Variants in SPACA6 observed in about 807,000 individuals in gnomAD.
The protein encoded by SPACA6 is sperm acrosome associated 6.
For synonymous variants in SPACA6, 6 were observed against 1.5 expected, an observed-to-expected ratio of 4.05 and a Z score of -2.21; for missense variants, 8 against 2.8, an observed-to-expected ratio of 2.88 and a Z score of -1.34.
upstream of SPACA6, among the ~76,000 whole-genome samples, chr19:51,691,006 G>A (rs921859110): frequency 1.6e-4 from 4 of 25,304 alleles, no homozygotes; most frequent in Non-Finnish European, 2.2e-4. Context: ...GGGAAGGAGG[G>A]AAGGGGGAAG....
intron 1 of SPACA6, chr19:51,694,077 G>GA: frequency 6.6e-6 from 1 of 152,144 alleles, no homozygotes; most frequent in African/African-American, 1.2e-4. Flanking sequence ...ATGGACACTC[G>GA]GGAGGATGGA....
In SPACA6 at chr19:51,703,704, G is replaced by A. The variant is rs748960300; in HGVS notation, c.574-326G>A. Among the ~76,000 whole-genome samples, 4 of 152,144 alleles carry A rather than the reference G, an allele frequency of 2.6e-5. No individual in the cohort carries two copies. Among genetic ancestry groups the A allele is most frequent in the African/African-American group, 4.8e-5 (2 of 41,438 alleles). On this transcript the variant is annotated intron_variant, in intron 6 of 8. Coordinates refer to ENST00000637797, the MANE Select transcript of SPACA6 (RefSeq NM_001316972.2). The surrounding 1 kb of genome is among the most constrained non-coding windows in gnomAD (Gnocchi z 4.2). ...GTCCCAGCCACTGGGGAGGCTGAGC[G>A]GGAAGACTGCTTAAGTCCAGGAGTT...
intron 7 of SPACA6, 33 bp downstream of exon 7, chr19:51,704,219 G>A (rs967096600): frequency 3.6e-4 from 145 of 400,992 alleles, no homozygotes; most frequent in African/African-American, 2.9e-3. Flanking sequence ...GAGTGAGCGG[G>A]GTCGGGAGAG....
At chr19:51,685,080 T>C (rs955550145), upstream of SPACA6, among the ~76,000 whole-genome samples, 1 of 152,210 alleles carries the variant, frequency 6.6e-6, no homozygotes, top group African/African-American at 2.4e-5. Flanking sequence ...TGTAAGTCCT[T>C]GACTCAGACC....
chr19:51,699,206 G>C (rs545297605), intron 2 of SPACA6, among the ~76,000 whole-genome samples: 57 of 152,200 alleles, frequency 3.7e-4, no homozygotes, highest in Non-Finnish European at 6.0e-4. Flanking sequence ...ATGGTGTCTG[G>C]ATATGTTGCC....
chr19:51,701,394 C>T (rs2083467405), intron 2 of SPACA6, among the ~76,000 whole-genome samples: 1 of 152,072 alleles, frequency 6.6e-6, no homozygotes, highest in Admixed American at 6.5e-5. Context: ...GACTTCCATC[C>T]TGGAGAGATT....
intron 2 of SPACA6, among the ~76,000 whole-genome samples, chr19:51,695,321 C>T (rs988154839): frequency 6.6e-6 from 1 of 152,204 alleles, no homozygotes; most frequent in African/African-American, 2.4e-5. Flanking sequence ...TGCCTGATCA[C>T]CATGGCCATG....
downstream of SPACA6, among the ~76,000 whole-genome samples, chr19:51,706,377 C>T (rs560764246): frequency 3.2e-4 from 49 of 152,236 alleles, no homozygotes; most frequent in African/African-American, 5.3e-4. Flanking sequence ...CAAGTCTGCG[C>T]GGCTGGCACT....
downstream of SPACA6, among the ~76,000 whole-genome samples, chr19:51,705,827 G>C (rs2083513341): frequency 2.0e-5 from 3 of 152,036 alleles, no homozygotes; most frequent in South Asian, 6.2e-4. Flanking sequence ...CTCCCAAGTA[G>C]CTGGGATTAC....
intron 2 of SPACA6, among the ~76,000 whole-genome samples, chr19:51,697,090 G>A (rs893325944): frequency 3.3e-5 from 5 of 152,182 alleles, no homozygotes; most frequent in Admixed American, 3.3e-4. Context: ...GCCCAGACAT[G>A]GACGTTTCTG....
intron 2 of SPACA6, among the ~76,000 whole-genome samples, chr19:51,697,581 A>G (rs990242739): frequency 3.3e-5 from 5 of 152,168 alleles, no homozygotes; most frequent in African/African-American, 4.8e-5. Context: ...CCCAGGATAT[A>G]TTTGGAGATA....
chr19:51,690,325 A>C (rs899026471), upstream of SPACA6, among the ~76,000 whole-genome samples: 7 of 152,068 alleles, frequency 4.6e-5, no homozygotes, highest in African/African-American at 1.7e-4. Context: ...CAGAGTTCAG[A>C]ACCTCAGCCC....
upstream of SPACA6, among the ~76,000 whole-genome samples, chr19:51,690,234 C>T (rs2083358236): frequency 6.6e-6 from 1 of 151,686 alleles, no homozygotes; most frequent in Admixed American, 6.6e-5. Context: ...CCCTTTTTTC[C>T]AGGATCCAGG....
the SPACA6 span, among the ~76,000 whole-genome samples, chr19:51,683,324 C>G: frequency 6.6e-6 from 1 of 152,184 alleles, no homozygotes; most frequent in African/African-American, 2.4e-5. Context: ...AGGGCCCACT[C>G]TAATCCAGTA....
rs1244632197 is a variant in SPACA6, at chr19:51,703,066, C to G, written c.431C>G (p.Ser144Cys). ...CGTTTCCTCTGCAGCGGGTGCTACT[C>G]TAGGGTCTGCGACCTCCCGCTGGAC... ...ARRFLCSGCY[S>C]RVCDLPLDCP... Residue 144 changes from serine to cysteine, a missense_variant, in exon 5 of 9, where the codon TCT (serine) becomes TGT (cysteine). By Grantham distance (112) the Ser-to-Cys change is moderately radical. Transcript: ENST00000637797. This position sits in a 1 kb window ranked among gnomAD's most constrained non-coding sequence, Gnocchi z 4.2. The G allele has an allele frequency of 5.0e-6, 2 of 399,220 alleles. No homozygotes were observed. Among genetic ancestry groups the G allele is most frequent in the East Asian group, 3.6e-5 (1 of 28,090 alleles). The allele number at this position is 399,220 out of a possible 1,614,324, so 24.7% of individuals were successfully genotyped here.
At chr19:51,684,550 CA>C (rs2083319747), upstream of SPACA6, among the ~76,000 whole-genome samples, 1 of 152,172 alleles carries the variant, frequency 6.6e-6, no homozygotes, top group South Asian at 2.1e-4. Context: ...ACAAGTCCAC[CA>C]GGGGCAAATT....
chr19:51,688,567 A>G (rs1033191376), upstream of SPACA6: 2 of 151,684 alleles, frequency 1.3e-5, no homozygotes, highest in Non-Finnish European at 2.9e-5. Flanking sequence ...GGGGGTGGAG[A>G]TACTAAAGCT....
chr19:51,706,473 T>C (rs1175660244), downstream of SPACA6, among the ~76,000 whole-genome samples: 4 of 152,074 alleles, frequency 2.6e-5, no homozygotes, highest in African/African-American at 9.7e-5. Context: ...CCCTGGAACA[T>C]GCAAGTCTCA....
chr19:51,713,099 G>C, downstream of SPACA6: 1 of 265,836 alleles, frequency 3.8e-6, no homozygotes, highest in Non-Finnish European at 7.0e-6. The surrounding 1 kb of genome is among the most constrained non-coding windows in gnomAD (Gnocchi z 4.5). Flanking sequence ...TCTCAAAAAG[G>C]TGGAGGCTGG....
Sources: allele counts gnomAD v4.1 joint callset (sites outside exome capture counted in the v4.1 genomes callset), GRCh38; gene constraint gnomAD v4.1.1; non-coding constraint Gnocchi (gnomAD v3.1); transcripts MANE v1.5; gene names NCBI Gene and HGNC (gene_info 2026-07-23, HGNC 2026-07-21).